CCDC15: variants seen among roughly 807,000 people sequenced by gnomAD.
CCDC15 encodes the protein coiled-coil domain containing 15.
A neutral mutation model predicts 114.5 loss-of-function variants in CCDC15; 105 were observed. The ratio of observed to expected loss-of-function variants is 0.92; its 90% CI spans 0.78 to 1.08. The LOEUF is 1.08. Ranked by LOEUF, CCDC15 falls within the 50% of genes least tolerant of loss-of-function variation. The probability of loss-of-function intolerance (pLI) is 0.00; values close to 1 mark genes in which losing one functional copy is unlikely to be tolerated. For synonymous variants in CCDC15, 334 were observed against 377.8 expected, an observed-to-expected ratio of 0.88 and a Z score of 1.34; for missense variants, 1,105 against 1,093.6, an observed-to-expected ratio of 1.01 and a Z score of -0.15.
At chr11:125,015,781 A>G (rs1023913679) in intron 13 of CCDC15, among the ~76,000 whole-genome samples, 8 of 152,322 alleles carry the variant, frequency 5.3e-5, no homozygotes, top group African/African-American at 1.9e-4. Context: ...AGAAAGCAGC[A>G]TTACAGACTA....
chr11:124,979,303 A>T (rs907824352), intron 6 of CCDC15, among the ~76,000 whole-genome samples: 6 of 151,720 alleles, frequency 4.0e-5, no homozygotes, highest in Admixed American at 3.9e-4. Context: ...TGAATTTTCA[A>T]ATAGTTTCTA....
intron 4 of CCDC15, among the ~76,000 whole-genome samples, chr11:124,966,859 T>C (rs1947793065): frequency 6.6e-6 from 1 of 152,202 alleles, no homozygotes; most frequent in African/African-American, 2.4e-5. Context: ...TCTCTCAGCA[T>C]TTGCTTCTCT....
chr11:124,959,726 T>TAAAA, intron 3 of CCDC15, 89 bp from the exon 4 acceptor site: 1 of 541,878 alleles, frequency 1.8e-6, no homozygotes, highest in Non-Finnish European at 2.8e-6. Flanking sequence ...CCACCCCAAT[T>TAAAA]TAAAATCTTC....
intron 13 of CCDC15, among the ~76,000 whole-genome samples, chr11:125,022,156 A>C (rs995504285): frequency 6.6e-6 from 1 of 151,940 alleles, no homozygotes; most frequent in Admixed American, 6.6e-5. Context: ...ATCTTTTAAG[A>C]GAGCAAGATG....
chr11:124,969,401 T>C (rs987304018), intron 4 of CCDC15, among the ~76,000 whole-genome samples: 2 of 152,178 alleles, frequency 1.3e-5, no homozygotes, highest in African/African-American at 4.8e-5. Context: ...GTTTCTGTGA[T>C]GTCCCTTGAA....
intron 13 of CCDC15, among the ~76,000 whole-genome samples, chr11:125,010,932 CA>C (rs1948586906): frequency 6.6e-6 from 1 of 152,060 alleles, no homozygotes; most frequent in African/African-American, 2.4e-5. Flanking sequence ...TGAGGTCTTA[CA>C]TTTAAATCTT....
At position 124,959,815 on chromosome 11, in the gene CCDC15, G is replaced by T. The variant is rs552598706; in HGVS notation, c.328G>T (p.Ala110Ser). Reference sequence around the variant, plus strand: ...TATCCCCCTTTCTTCTTTCGTGTAGGCACAAAAAGAAGGCTCCATAGCCAT... The same window carrying T: ...TATCCCCCTTTCTTCTTTCGTGTAGTCACAAAAAGAAGGCTCCATAGCCAT... ...KQQLQKSYER[A>S]QKEGSIAMQS... Residue 110 changes from alanine (A) to serine (S), a missense_variant and splice_region_variant, in exon 4 of 16, where the codon GCA becomes TCA. Physicochemically the swap from Ala to Ser is moderately conservative, Grantham distance 99. Coordinates refer to ENST00000344762, the MANE Select transcript of CCDC15 (RefSeq NM_025004.3). 8 of 1,589,302 alleles carry T rather than the reference G, an allele frequency of 5.0e-6. No individual in the cohort carries two copies. Among genetic ancestry groups the T allele is most frequent in the Non-Finnish European group, 6.9e-6 (8 of 1,167,332 alleles).
intron 13 of CCDC15, among the ~76,000 whole-genome samples, chr11:125,013,900 A>G (rs890131595): frequency 1.3e-5 from 2 of 152,236 alleles, no homozygotes; most frequent in African/African-American, 4.8e-5. Context: ...GACAGAAACA[A>G]GCAGAGCTTT....
At chr11:125,034,336 T>G (rs568664686) in intron 13 of CCDC15, among the ~76,000 whole-genome samples, 33 of 152,322 alleles carry the variant, frequency 2.2e-4, no homozygotes, top group African/African-American at 7.9e-4. Flanking sequence ...ATCAATGCCC[T>G]CATTTTAACA....
At chr11:125,019,214 C>T (rs1000575980) in intron 13 of CCDC15, among the ~76,000 whole-genome samples, 1 of 151,742 alleles carries the variant, frequency 6.6e-6, no homozygotes, top group African/African-American at 2.4e-5. Context: ...TTTAAAAGAT[C>T]GTTATATATT....
chr11:124,987,307 C>CA lies in CCDC15; in HGVS notation c.1082dup (p.Ala362GlyfsTer3). The stretch of plus-strand genomic sequence containing the variant: ...AATCCAGAGTGTTAAGCCAGATACC[C>CA]AGGCTGTTGAAATGAAGGTTCAGGT... On this transcript the variant is annotated frameshift_variant, in exon 8 of 16. Transcript: ENST00000344762. LOFTEE classifies it high-confidence loss of function. 6.2e-7 allele frequency: 1 copy of CA among 1,612,448 alleles called. No homozygotes were observed.
intron 10 of CCDC15, 27 bp downstream of exon 10, chr11:124,992,714 G>A (rs774378728): frequency 1.7e-5 from 21 of 1,245,508 alleles, no homozygotes; most frequent in Admixed American, 4.2e-5. Flanking sequence ...TAGGAGGACT[G>A]TATACCTTCT....
At chr11:124,974,242 A>G (rs1947934514) in intron 4 of CCDC15, among the ~76,000 whole-genome samples, 1 of 152,168 alleles carries the variant, frequency 6.6e-6, no homozygotes, top group Admixed American at 6.5e-5. Flanking sequence ...TGGCCTCCCA[A>G]AGTGCTGGGA....
At chr11:125,019,830 ATT>A (rs921248236) in intron 13 of CCDC15, among the ~76,000 whole-genome samples, 37 of 152,116 alleles carry the variant, frequency 2.4e-4, no homozygotes, top group African/African-American at 8.9e-4. Flanking sequence ...AGTTATTCTT[ATT>A]AGTGATTGCT....
intron 4 of CCDC15, among the ~76,000 whole-genome samples, chr11:124,967,422 T>C (rs535800430): frequency 1.3e-5 from 2 of 152,332 alleles, no homozygotes; most frequent in African/African-American, 4.8e-5. Context: ...CTTGATCAAA[T>C]TGGCTACTGA....
chr11:124,997,579 G>A lies in CCDC15; in HGVS notation c.2214+4336G>A, dbSNP rs187188642. 1.3e-4 allele frequency among the ~76,000 whole-genome samples: 20 copies of A among 152,266 alleles called. 1 individual carries two copies. Among genetic ancestry groups the A allele is most frequent in the African/African-American group, 4.6e-4 (19 of 41,566 alleles). On this transcript the variant is annotated intron_variant, in intron 11 of 15. Coordinates refer to ENST00000344762, the MANE Select transcript of CCDC15 (RefSeq NM_025004.3). ...GTTAGGATTGCAGGTGTGAGCCACT[G>A]CTCCTGGCCATCATTTTAGAGAATA... is the stretch of plus-strand genomic sequence containing the variant.
At chr11:125,038,664 G>C in intron 14 of CCDC15, 60 bp downstream of exon 14, 1 of 1,365,762 alleles carries the variant, frequency 7.3e-7, no homozygotes, top group Non-Finnish European at 9.8e-7. Flanking sequence ...AGAACTCATT[G>C]TTCTCATTTT....
intron 13 of CCDC15, among the ~76,000 whole-genome samples, chr11:125,015,480 A>G (rs1948622816): frequency 6.6e-6 from 1 of 152,300 alleles, no homozygotes; most frequent in East Asian, 1.9e-4. Flanking sequence ...AAATTTGACA[A>G]TTTTAATAAA....
intron 13 of CCDC15, among the ~76,000 whole-genome samples, chr11:125,026,672 C>G (rs1300589652): frequency 2.0e-5 from 3 of 152,216 alleles, no homozygotes; most frequent in South Asian, 2.1e-4. Context: ...TGTTAAGCAA[C>G]TCTTCTCACC....
Sources: gnomAD v4.1 joint callset for allele counts (sites outside exome capture counted in the v4.1 genomes callset) on GRCh38, gnomAD v4.1.1 for gene constraint, MANE v1.5 for transcripts, NCBI Gene and HGNC (gene_info 2026-07-23, HGNC 2026-07-21) for gene names.